MMP12: variants seen among roughly 807,000 people sequenced by gnomAD.
MMP12 encodes the protein macrophage metalloelastase.
In MMP12, 51 loss-of-function variants were observed where a neutral mutation model predicts 45.2. The observed-to-expected ratio is 1.13, with a 90% CI of 0.90 to 1.42. The LOEUF is 1.42. MMP12 is among the 40% of genes most tolerant of loss of function. MMP12 has a pLI of 0.00. For missense variants in MMP12, 530 were observed against 570.8 expected, an observed-to-expected ratio of 0.93 and a Z score of 0.73; for synonymous variants, 210 against 193.3, an observed-to-expected ratio of 1.09 and a Z score of -0.72.
In MMP12 at chr11:102,871,841, T is replaced by C; in HGVS notation, c.462A>G (p.Thr154=). ...AAACCACCAAAATGTCAGCCATGCC[T>C]GTGTTAATCTTGCTGAATTTCAAGG... ...VTPLKFSKIN[T]GMADILVVFA... Residue 154 remains threonine (T), a synonymous_variant, in exon 3 of 10, where the codon ACA becomes ACG. Coordinates refer to ENST00000571244, the MANE Select transcript of MMP12 (RefSeq NM_002426.6). 6.2e-6 allele frequency: 10 copies of C among 1,613,294 alleles called. No individual in the cohort carries two copies. Among genetic ancestry groups the C allele is most frequent in the Admixed American group, 1.7e-5 (1 of 59,936 alleles).
At chr11:102,869,812 A>G (rs1859460269) in intron 4 of MMP12, among the ~76,000 whole-genome samples, 1 of 151,910 alleles carries the variant, frequency 6.6e-6, no homozygotes, top group African/African-American at 2.4e-5. Flanking sequence ...CCAGTTAGTC[A>G]GGAGGCTGAA....
intron 4 of MMP12, among the ~76,000 whole-genome samples, chr11:102,868,878 A>G (rs2134420988): frequency 6.6e-6 from 1 of 152,340 alleles, no homozygotes; most frequent in Admixed American, 6.5e-5. Context: ...ATTTAGACAT[A>G]TTTGGACTAC....
At chr11:102,866,539 A>C in intron 6 of MMP12, 91 bp from the exon 7 acceptor site, 1 of 1,343,080 alleles carries the variant, frequency 7.4e-7, no homozygotes, top group Non-Finnish European at 1.0e-6. Context: ...AAAAGACCCA[A>C]TATTTCTTTC....
In MMP12 at chr11:102,874,965, T is replaced by C. The variant is rs1244124780; in HGVS notation, c.-28A>G. On this transcript the variant is annotated 5_prime_UTR_variant, in exon 1 of 10. Coordinates refer to ENST00000571244, the MANE Select transcript of MMP12 (RefSeq NM_002426.6). ...TAAACTTCTAAACGGATCAATTCAG[T>C]TTACTGTGTTCCTTTCTAGCCTAAG... The C allele has an allele frequency of 2.8e-6, 4 of 1,441,542 alleles. No homozygotes were observed. In the African/African-American group the frequency reaches 5.6e-5, roughly 20 times the overall value. The allele number at this position is 1,441,542 out of a possible 1,614,324, so 89.3% of individuals were successfully genotyped here.
chr11:102,871,755 C>T (rs1555009380), intron 3 of MMP12, 36 bp from the exon 4 acceptor site: 3 of 1,613,580 alleles, frequency 1.9e-6, no homozygotes, highest in Middle Eastern at 1.7e-4. Flanking sequence ...TCCTTCTATA[C>T]ATCCTATAGA....
At chr11:102,870,111 C>G (rs1555009170) in intron 4 of MMP12, among the ~76,000 whole-genome samples, 1 of 152,200 alleles carries the variant, frequency 6.6e-6, no homozygotes, top group Admixed American at 6.5e-5. Context: ...AGCTTTTCCA[C>G]AAACTAGCCA....
intron 4 of MMP12, 91 bp downstream of exon 4, chr11:102,871,503 G>T: frequency 2.7e-6 from 4 of 1,472,014 alleles, no homozygotes; most frequent in African/African-American, 1.4e-5. Context: ...GTAGTCTCTC[G>T]AAACCAGAAT....
Position 102,867,962 on chromosome 11 carries a change from T to C in MMP12, c.733A>G (p.Ile245Val), listed in dbSNP as rs1859425293. ...TCAGCAGAGAGGCGAAATGTGTTGA[T>C]GTCAACATATTTGTAGGTGGGGAAC... is the stretch of plus-strand genomic sequence containing the variant. ...VMFPTYKYVD[I>V]NTFRLSADDI... is the part of the protein sequence containing the mutation. Residue 245 changes from isoleucine (I) to valine (V), a missense_variant, in exon 5 of 10, where the codon ATC (isoleucine) becomes GTC (valine). Transcript: ENST00000571244. 3 of 1,609,688 alleles carry C rather than the reference T, an allele frequency of 1.9e-6. No individual in the cohort carries two copies. The highest frequency in any genetic ancestry group is 2.2e-5 in the South Asian group (2 of 89,696).
intron 2 of MMP12, among the ~76,000 whole-genome samples, chr11:102,872,626 C>T (rs1555009537): frequency 6.6e-6 from 1 of 152,190 alleles, no homozygotes; most frequent in African/African-American, 2.4e-5. Flanking sequence ...CAGGCGTGAG[C>T]CACCGTGCCT....
chr11:102,866,066 G>T (rs1289258328), intron 7 of MMP12, 131 bp from the exon 8 acceptor site: 4 of 878,002 alleles, frequency 4.6e-6, no homozygotes, highest in South Asian at 4.2e-5. Context: ...CTTAAACATA[G>T]TCTCTTTTCT....
intron 6 of MMP12, 120 bp downstream of exon 6, chr11:102,867,150 G>A: frequency 1.1e-6 from 1 of 884,714 alleles, no homozygotes; most frequent in Non-Finnish European, 1.6e-6. Flanking sequence ...ACAGAATCGA[G>A]TCCAAGTTCC....
chr11:102,872,833 G>T, intron 2 of MMP12, 32 bp downstream of exon 2: 1 of 1,607,480 alleles, frequency 6.2e-7, no homozygotes, highest in South Asian at 1.1e-5. Flanking sequence ...TGGGAAAGTA[G>T]AAAAATACAG....
rs114159090 is a variant in MMP12 at position 102,874,692 on chromosome 11, C to G, written c.102+144G>C. The G allele has an allele frequency of 3.1e-3, 1,662 of 533,614 alleles. 23 individuals are homozygous for G. The highest frequency in any genetic ancestry group is 0.028 in the African/African-American group (1,455 of 52,636). The allele number at this position is 533,614 out of a possible 1,614,324, so 33.1% of individuals were successfully genotyped here. A position where few individuals can be genotyped will look rare whatever the true frequency, so the allele number is the denominator to read the frequency against. ...CTCTTTGACAAAGTAAAACTTAATA[C>G]TGAAAGCAGACAGCCTCCTAGACCA... On this transcript the variant is annotated intron_variant, in intron 1 of 9. Coordinates refer to ENST00000571244, the MANE Select transcript of MMP12 (RefSeq NM_002426.6).
chr11:102,873,874 C>T (rs1859546315), intron 1 of MMP12, among the ~76,000 whole-genome samples: 1 of 151,144 alleles, frequency 6.6e-6, no homozygotes, highest in Admixed American at 6.6e-5. Context: ...ACTAAAAATA[C>T]AAAAATTAGC....
chr11:102,873,375 G>A (rs1202752943), intron 1 of MMP12, among the ~76,000 whole-genome samples: 3 of 152,174 alleles, frequency 2.0e-5, no homozygotes, highest in African/African-American at 7.2e-5. Context: ...TGAGGCAGGA[G>A]GATTTCTTGA....
At chr11:102,866,501 C>T (rs1273128560) in intron 6 of MMP12, 53 bp from the exon 7 acceptor site, 1 of 1,581,188 alleles carries the variant, frequency 6.3e-7, no homozygotes, top group Admixed American at 1.8e-5. Flanking sequence ...ACTCAAGAAC[C>T]ATGGCATGTG....
In MMP12 at chr11:102,872,034, C is replaced by A. The variant is rs1423916214; in HGVS notation, c.351-82G>T. On this transcript the variant is annotated intron_variant, in intron 2 of 9. Transcript: ENST00000571244. ...CCACAATACTTCATTTTTGCTAGCA[C>A]AATTGGAAAATGGATCATTTCATAA... The A allele has an allele frequency of 5.9e-6, 8 of 1,360,500 alleles. No homozygotes were observed. In the East Asian group the frequency reaches 2.0e-4, roughly 33 times the overall value. The allele number at this position is 1,360,500 out of a possible 1,614,324, so 84.3% of individuals were successfully genotyped here.
chr11:102,868,524 G>T lies in MMP12; in HGVS notation c.626-455C>A, dbSNP rs571376775. Among the ~76,000 whole-genome samples the T allele has an allele frequency of 1.6e-4, 24 of 152,102 alleles. No individual in the cohort carries two copies. The South Asian group carries it at 4.6e-3, about 29-fold the overall frequency. On this transcript the variant is annotated intron_variant, in intron 4 of 9. Transcript: ENST00000571244. ...ACTCAATTCTATTTTTAGTCTTCATGAAGCTTTACTAGATATAGAAAAAAA... is the reference window on the plus strand; with the variant it reads ...ACTCAATTCTATTTTTAGTCTTCATTAAGCTTTACTAGATATAGAAAAAAA...
Position 102,864,372 on chromosome 11 carries a change from A to T in MMP12, c.1206-120T>A, listed in dbSNP as rs476185. On this transcript the variant is annotated intron_variant, in intron 8 of 9. Coordinates refer to ENST00000571244, the MANE Select transcript of MMP12 (RefSeq NM_002426.6). ...AAAGGACTTAAGTTGCTCTGATGAAAAAAACCAAGGACCTAAACAGTTCAC... is the reference window on the plus strand; with the variant it reads ...AAAGGACTTAAGTTGCTCTGATGAATAAAACCAAGGACCTAAACAGTTCAC... The T allele has an allele frequency of 2.7e-3, 1,797 of 676,270 alleles. 28 individuals carry two copies. In the African/African-American group the frequency reaches 0.028, roughly 10 times the overall value. The allele number at this position is 676,270 out of a possible 1,614,324, so 41.9% of individuals were successfully genotyped here.
Sources: allele counts gnomAD v4.1 joint callset (sites outside exome capture counted in the v4.1 genomes callset), GRCh38; gene constraint gnomAD v4.1.1; transcripts MANE v1.5; gene names NCBI Gene and HGNC (gene_info 2026-07-23, HGNC 2026-07-21).